Variants in CSMD1 observed in about 807,000 individuals in gnomAD.
CSMD1 encodes the protein CUB and sushi domain-containing protein 1.
A neutral mutation model predicts 417.5 loss-of-function variants in CSMD1; 213 were observed. The ratio of observed to expected loss-of-function variants is 0.51; its 90% CI spans 0.46 to 0.57. The LOEUF is 0.57. Among genes scored for constraint, CSMD1 ranks in the 20% least tolerant of loss-of-function variants. The probability of loss-of-function intolerance (pLI) is 0.00; values close to 1 mark genes in which losing one functional copy is unlikely to be tolerated. For missense variants in CSMD1, 6,923 were observed against 4,529.7 expected, an observed-to-expected ratio of 1.53 and a Z score of -15.17; for synonymous variants, 2,862 against 1,736.8, an observed-to-expected ratio of 1.65 and a Z score of -16.11.
At chr8:4,974,111 C>G (rs1047999711) in intron 1 of CSMD1, among the ~76,000 whole-genome samples, 1 of 152,012 alleles carries the variant, frequency 6.6e-6, no homozygotes, top group East Asian at 1.9e-4. Context: ...ATCTCCGCCT[C>G]TTGGGCTTGA....
rs60987537 is a variant in CSMD1 at position 3,579,095 on chromosome 8, T to C, written c.1223-4029A>G. On this transcript the variant is annotated intron_variant, in intron 9 of 69. Coordinates refer to ENST00000635120, the MANE Select transcript of CSMD1 (RefSeq NM_033225.6). ...GACCTAATGTACACCTGATGTTACTTGCTTGGCAGTTTTCCAGACCTGTAA... is the reference window on the plus strand; with the variant it reads ...GACCTAATGTACACCTGATGTTACTCGCTTGGCAGTTTTCCAGACCTGTAA... Among the ~76,000 whole-genome samples, 1,299 of 152,350 alleles carry C rather than the reference T, an allele frequency of 8.5e-3. 14 individuals are homozygous for C. The highest frequency in any genetic ancestry group is 0.03 in the African/African-American group (1,239 of 41,578).
chr8:4,788,655 G>C, intron 1 of CSMD1: 2 of 656,356 alleles, frequency 3.0e-6, no homozygotes, highest in Non-Finnish European at 5.2e-6. Context: ...GGAAAATCAA[G>C]CAATATGAAA....
At chr8:3,904,783 T>C (rs1281855481) in intron 5 of CSMD1, among the ~76,000 whole-genome samples, 1 of 151,880 alleles carries the variant, frequency 6.6e-6, no homozygotes, top group Non-Finnish European at 1.5e-5. Context: ...ATTACAGGTG[T>C]GCATCACCAT....
At chr8:4,000,455 G>A (rs897887669) in intron 4 of CSMD1, among the ~76,000 whole-genome samples, 1 of 152,230 alleles carries the variant, frequency 6.6e-6, no homozygotes, top group African/African-American at 2.4e-5. Flanking sequence ...TTCCAGCCAT[G>A]AGGAAAAATA....
Position 4,637,443 on chromosome 8 carries a change from G to A in CSMD1, c.201C>T (p.Arg67=), listed in dbSNP as rs779817692. The A allele has an allele frequency of 2.5e-6, 4 of 1,613,718 alleles. No individual in the cohort carries two copies. Among genetic ancestry groups the A allele is most frequent in the East Asian group, 2.2e-5 (1 of 44,828 alleles). Residue 67 remains arginine, a synonymous_variant, in exon 2 of 70, where the codon CGC becomes CGT. Transcript: ENST00000635120. The stretch of plus-strand genomic sequence containing the variant: ...TATGGAAGGACAACTGTATCCTATT[G>A]CGCTCGCCCGTGATGATGATCCAGG... The part of the protein sequence containing the change: ...NCTWIIITGE[R]NRIQLSFHTF...
At chr8:3,902,376 T>C (rs1356596646) in intron 5 of CSMD1, among the ~76,000 whole-genome samples, 1 of 152,188 alleles carries the variant, frequency 6.6e-6, no homozygotes, top group Non-Finnish European at 1.5e-5. Context: ...ACATGTGATC[T>C]GAGGCAAATT....
chr8:2,968,313 C>T (rs530927977), intron 57 of CSMD1, among the ~76,000 whole-genome samples: 4 of 152,204 alleles, frequency 2.6e-5, no homozygotes, highest in Admixed American at 1.3e-4. Flanking sequence ...TTTAACAAAC[C>T]GAAAGAGGAC....
chr8:3,253,335 G>A (rs1342116780), intron 26 of CSMD1, among the ~76,000 whole-genome samples: 1 of 152,020 alleles, frequency 6.6e-6, no homozygotes, highest in Non-Finnish European at 1.5e-5. Context: ...GTAGTTGAGT[G>A]GTTTTGAGTG....
chr8:4,410,764 G>C (rs540508459), intron 3 of CSMD1, among the ~76,000 whole-genome samples: 1 of 152,222 alleles, frequency 6.6e-6, no homozygotes, highest in African/African-American at 2.4e-5. Flanking sequence ...ATTAAGAAAT[G>C]AAAGTATAAC....
intron 2 of CSMD1, among the ~76,000 whole-genome samples, chr8:4,591,849 A>G (rs1470137725): frequency 1.3e-5 from 2 of 152,192 alleles, no homozygotes; most frequent in African/African-American, 4.8e-5. Context: ...GGAACAAGGC[A>G]GAGGGGAGAA....
At chr8:4,758,081 G>C (rs1335943842) in intron 1 of CSMD1, among the ~76,000 whole-genome samples, 2 of 151,894 alleles carry the variant, frequency 1.3e-5, no homozygotes, top group Non-Finnish European at 2.9e-5. Flanking sequence ...ACTTTTCTCA[G>C]GTGAGAAATT....
At chr8:3,522,919 A>G (rs1228817958) in intron 10 of CSMD1, among the ~76,000 whole-genome samples, 1 of 150,374 alleles carries the variant, frequency 6.7e-6, no homozygotes, top group Admixed American at 6.7e-5. Flanking sequence ...CATGTATAAA[A>G]TATCAATATA....
chr8:3,412,153 C>G (rs1486642227), intron 12 of CSMD1, among the ~76,000 whole-genome samples: 1 of 120,190 alleles, frequency 8.3e-6, no homozygotes, highest in Non-Finnish European at 1.7e-5. Flanking sequence ...TATATATACA[C>G]ACGTATATAT....
At chr8:3,363,873 A>G (rs947484645) in intron 20 of CSMD1, among the ~76,000 whole-genome samples, 1 of 152,214 alleles carries the variant, frequency 6.6e-6, no homozygotes, top group Non-Finnish European at 1.5e-5. Flanking sequence ...CTAGTAGCAG[A>G]CAATGTTATG....
At chr8:4,335,732 A>T (rs548856344) in intron 3 of CSMD1, among the ~76,000 whole-genome samples, 1 of 152,154 alleles carries the variant, frequency 6.6e-6, no homozygotes, top group Non-Finnish European at 1.5e-5. Flanking sequence ...AGTGTACCTT[A>T]ATAGGGCTCA....
At chr8:3,619,418 G>T (rs1218338644) in intron 7 of CSMD1, among the ~76,000 whole-genome samples, 1 of 151,844 alleles carries the variant, frequency 6.6e-6, no homozygotes, top group African/African-American at 2.4e-5. Context: ...TACAAAGAAA[G>T]AGGGAAACAT....
intron 5 of CSMD1, among the ~76,000 whole-genome samples, chr8:3,989,057 G>A (rs1039935416): frequency 3.9e-5 from 6 of 152,134 alleles, no homozygotes; most frequent in East Asian, 1.9e-4. Flanking sequence ...TCATTGTAGG[G>A]CAGAAATCTG....
chr8:4,956,739 A>G (rs1809138995), intron 1 of CSMD1, among the ~76,000 whole-genome samples: 1 of 152,164 alleles, frequency 6.6e-6, no homozygotes, highest in South Asian at 2.1e-4. Context: ...TCAACACAAG[A>G]GGAAAATATT....
intron 5 of CSMD1, among the ~76,000 whole-genome samples, chr8:3,958,705 G>A (rs1194218794): frequency 1.3e-5 from 2 of 152,136 alleles, no homozygotes; most frequent in Admixed American, 6.5e-5. Flanking sequence ...ATAACTGAGG[G>A]TCAAACATGA....
Sources: gnomAD v4.1 joint callset for allele counts (sites outside exome capture counted in the v4.1 genomes callset) on GRCh38, gnomAD v4.1.1 for gene constraint, MANE v1.5 for transcripts, NCBI Gene and HGNC (gene_info 2026-07-23, HGNC 2026-07-21) for gene names.